Variants in GOLIM4 observed in about 807,000 individuals in gnomAD.
GOLIM4 encodes golgi integral membrane protein 4.
GOLIM4 carries 71 observed loss-of-function variants against 107.4 expected under a neutral mutation model. The observed-to-expected ratio is 0.66, with a 90% CI of 0.55 to 0.81. The LOEUF is 0.81. GOLIM4 is among the 30% of genes least tolerant of loss of function. GOLIM4 has a pLI of 0.00. For synonymous variants in GOLIM4, 327 were observed against 294.8 expected, an observed-to-expected ratio of 1.11 and a Z score of -1.12; for missense variants, 830 against 826.1, an observed-to-expected ratio of 1.00 and a Z score of -0.06.
chr3:168,038,727 AT>A lies in GOLIM4; in HGVS notation c.685-1734del, dbSNP rs939627156. ...GAGAAATGCAGGTGCCTGAAACAGC[AT>A]TTTTTTTAAAAGGAGATTTGGGGAA... On this transcript the variant is annotated intron_variant, in intron 7 of 15. Coordinates refer to ENST00000470487, the MANE Select transcript of GOLIM4 (RefSeq NM_014498.5). Among the ~76,000 whole-genome samples, 6 of 152,254 alleles carry A rather than the reference AT, an allele frequency of 3.9e-5. 1 individual carries two copies. The East Asian group carries it at 9.6e-4, about 24-fold the overall frequency.
intron 2 of GOLIM4, among the ~76,000 whole-genome samples, 154 bp from the exon 3 acceptor site, chr3:168,047,153 T>C (rs912671750): frequency 7.2e-5 from 11 of 152,242 alleles, no homozygotes; most frequent in Admixed American, 6.5e-4. Flanking sequence ...TTGGCTCTCA[T>C]TGCTTTAGAA....
At chr3:168,048,637 C>T (rs1719448427) in intron 1 of GOLIM4, among the ~76,000 whole-genome samples, 1 of 152,206 alleles carries the variant, frequency 6.6e-6, no homozygotes, top group Non-Finnish European at 1.5e-5. Context: ...TTCTAGGCCT[C>T]TTAAATGCAA....
intron 1 of GOLIM4, among the ~76,000 whole-genome samples, chr3:168,070,030 C>T (rs79332157): frequency 0.018 from 2,734 of 152,254 alleles, 85 homozygotes; most frequent in African/African-American, 0.063. Context: ...GAAACATAAT[C>T]CTTACTTTAC....
At chr3:168,037,518 T>C (rs1308535925) in intron 7 of GOLIM4, among the ~76,000 whole-genome samples, 2 of 152,108 alleles carry the variant, frequency 1.3e-5, no homozygotes, top group Non-Finnish European at 2.9e-5. Flanking sequence ...TCCCCCTCAG[T>C]TAATTTGTGC....
At chr3:168,050,568 A>C (rs1719562561) in intron 1 of GOLIM4, among the ~76,000 whole-genome samples, 1 of 152,090 alleles carries the variant, frequency 6.6e-6, no homozygotes, top group African/African-American at 2.4e-5. Flanking sequence ...GGAACACGTA[A>C]GCTCCCCAGC....
chr3:168,029,904 G>A lies in GOLIM4; in HGVS notation c.1309C>T (p.Gln437Ter). 1 of 1,614,148 alleles carries A rather than the reference G, an allele frequency of 6.2e-7. No individual in the cohort carries two copies. The highest frequency in any genetic ancestry group is 8.5e-7 in the Non-Finnish European group (1 of 1,180,030). ...LREHQEALHQQRLQGHLLRQQ... is the reference protein window; with the variant it reads ...LREHQEALHQ ...CGTAGTAAGTGCCCCTGCAGCCTCT[G>A]CTGGTGCAAAGCTTCCTGGTGTTCC... The change falls in exon 10 of 16, where the codon CAG (glutamine) becomes TAG (stop). Residue 437 changes from glutamine (Q) to a stop codon, truncating the protein, a stop_gained. Coordinates refer to ENST00000470487, the MANE Select transcript of GOLIM4 (RefSeq NM_014498.5). LOFTEE classifies it high-confidence loss of function.
intron 14 of GOLIM4, among the ~76,000 whole-genome samples, chr3:168,015,568 AG>A (rs1307772947): frequency 7.3e-6 from 1 of 137,114 alleles, no homozygotes; most frequent in Non-Finnish European, 1.5e-5. Context: ...ACCAAAAAAG[AG>A]CCCGCATCGC....
At chr3:168,077,073 T>C (rs1721115437) in intron 1 of GOLIM4, among the ~76,000 whole-genome samples, 1 of 152,244 alleles carries the variant, frequency 6.6e-6, no homozygotes, top group Non-Finnish European at 1.5e-5. Flanking sequence ...TATGTTGATG[T>C]TAATATTTTA....
chr3:168,024,699 T>G, intron 13 of GOLIM4, 105 bp from the exon 14 acceptor site: 1 of 975,562 alleles, frequency 1.0e-6, no homozygotes, highest in Non-Finnish European at 1.6e-6. Context: ...AAGGGCACTT[T>G]CAAAGCGTCT....
intron 9 of GOLIM4, among the ~76,000 whole-genome samples, chr3:168,030,822 A>C (rs569406539): frequency 6.6e-6 from 1 of 152,340 alleles, no homozygotes; most frequent in African/African-American, 2.4e-5. Context: ...AAAAGCTAAA[A>C]ATAGAACCAC....
At chr3:168,060,606 T>C (rs1446484250) in intron 1 of GOLIM4, among the ~76,000 whole-genome samples, 1 of 152,034 alleles carries the variant, frequency 6.6e-6, no homozygotes, top group East Asian at 1.9e-4. Flanking sequence ...TAGAGAAAAA[T>C]CCAGACAGTG....
chr3:168,038,830 G>T (rs1416433899), intron 7 of GOLIM4, among the ~76,000 whole-genome samples: 1 of 152,230 alleles, frequency 6.6e-6, no homozygotes, highest in Non-Finnish European at 1.5e-5. Flanking sequence ...CCTCCAATGT[G>T]ATGGATCAGG....
intron 1 of GOLIM4, among the ~76,000 whole-genome samples, chr3:168,059,967 T>G (rs9854322): frequency 0.56 from 85,745 of 151,932 alleles, 26,028 homozygotes; most frequent in African/African-American, 0.76. Flanking sequence ...AAACAGGCAG[T>G]CTAGAGTGAC....
chr3:168,073,609 A>C (rs1315572070), intron 1 of GOLIM4, among the ~76,000 whole-genome samples: 2 of 152,242 alleles, frequency 1.3e-5, no homozygotes, highest in African/African-American at 2.4e-5. Context: ...GATATATAAT[A>C]AACAAGGAAA....
chr3:168,046,588 T>A (rs969577467), intron 3 of GOLIM4, among the ~76,000 whole-genome samples: 1 of 152,174 alleles, frequency 6.6e-6, no homozygotes, highest in Admixed American at 6.5e-5. Flanking sequence ...TGTTCTTAAA[T>A]GAAAACTCTA....
chr3:168,087,468 G>A (rs1417458071), intron 1 of GOLIM4, among the ~76,000 whole-genome samples: 1 of 152,128 alleles, frequency 6.6e-6, no homozygotes, highest in African/African-American at 2.4e-5. Flanking sequence ...ATGATTCACT[G>A]TCATTTCAGG....
At chr3:168,034,773 A>C (rs895776440) in intron 8 of GOLIM4, among the ~76,000 whole-genome samples, 1 of 152,162 alleles carries the variant, frequency 6.6e-6, no homozygotes, top group Non-Finnish European at 1.5e-5. Flanking sequence ...CTGCTCTCAC[A>C]ATAGTGAACA....
At chr3:168,045,649 T>C (rs1439026448) in intron 3 of GOLIM4, among the ~76,000 whole-genome samples, 1 of 152,138 alleles carries the variant, frequency 6.6e-6, no homozygotes, top group Non-Finnish European at 1.5e-5. Context: ...TGCTATGTTG[T>C]TTATGTTTAG....
chr3:168,048,253 C>T (rs1177704894), intron 2 of GOLIM4, 38 bp downstream of exon 2: 6 of 1,077,206 alleles, frequency 5.6e-6, no homozygotes, highest in South Asian at 4.1e-5. Context: ...AAGAAGAGTA[C>T]TGGAAAAACA....
Sources: gnomAD v4.1 joint callset for allele counts (sites outside exome capture counted in the v4.1 genomes callset) on GRCh38, gnomAD v4.1.1 for gene constraint, MANE v1.5 for transcripts, NCBI Gene and HGNC (gene_info 2026-07-23, HGNC 2026-07-21) for gene names.